The following PHF21B variants were observed in gnomAD, a reference collection of about 807,000 sequenced individuals.
PHF21B encodes PHD finger protein 4.
In PHF21B, 22 loss-of-function variants were observed where a neutral mutation model predicts 62.2. The observed-to-expected ratio is 0.35, with a 90% CI of 0.25 to 0.51. The LOEUF is 0.51. Among genes scored for constraint, PHF21B ranks in the 20% least tolerant of loss-of-function variants. PHF21B has a pLI of 0.97. For synonymous variants in PHF21B, 341 were observed against 314.7 expected, an observed-to-expected ratio of 1.08 and a Z score of -0.88; for missense variants, 701 against 707.9, an observed-to-expected ratio of 0.99 and a Z score of 0.11.
intron 2 of PHF21B, among the ~76,000 whole-genome samples, chr22:44,995,410 TG>T (rs1421172084): frequency 4.6e-5 from 7 of 152,024 alleles, no homozygotes; most frequent in Non-Finnish European, 1.0e-4. Flanking sequence ...CTGGAGTGTG[TG>T]GGGGGCTGGG....
chr22:44,939,089 C>CT (rs1490545079), intron 2 of PHF21B, among the ~76,000 whole-genome samples: 1 of 152,238 alleles, frequency 6.6e-6, no homozygotes, highest in Admixed American at 6.5e-5. Context: ...AGCGCAGGCC[C>CT]TTCCTGCCTT....
In PHF21B at chr22:44,920,433, T is replaced by G. The variant is rs2071514631; in HGVS notation, c.178A>C (p.Arg60=). The stretch of plus-strand genomic sequence containing the variant: ...ACTGCCGCTCCTTGCCCGGCCAACC[T>G]CTGCAAGGAGCTGACCTGAGGACCC... ...VTGPQVSSLQ[R]LAGQGAAVLP... The change falls in exon 3 of 13, where the codon AGG becomes CGG. Residue 60 remains arginine, a synonymous_variant. Coordinates refer to ENST00000313237, the MANE Select transcript of PHF21B (RefSeq NM_138415.5). The G allele has an allele frequency of 1.9e-6, 3 of 1,612,642 alleles. No homozygotes were observed. In the East Asian group the frequency reaches 6.7e-5, roughly 36 times the overall value.
At chr22:44,997,940 C>T (rs2073149897) in intron 2 of PHF21B, among the ~76,000 whole-genome samples, 1 of 151,824 alleles carries the variant, frequency 6.6e-6, no homozygotes, top group Non-Finnish European at 1.5e-5. Flanking sequence ...TGGGGAATGA[C>T]TCTTCCGTAA....
At chr22:45,008,276 C>A (rs1371936848) in intron 2 of PHF21B, 1 of 324,118 alleles carries the variant, frequency 3.1e-6, no homozygotes, top group Non-Finnish European at 5.6e-6. Context: ...AACATGTCCA[C>A]CACCTCAAAA....
rs532359434 is a variant in PHF21B, at chr22:44,993,864, T to C, written c.120+14681A>G. ...GGTTTTCAAAACTACACACACAACC[T>C]AATATCAAACCTTCTGCCTGTGAAG... is the stretch of plus-strand genomic sequence containing the variant. On this transcript the variant is annotated intron_variant, in intron 2 of 12. Coordinates refer to ENST00000313237, the MANE Select transcript of PHF21B (RefSeq NM_138415.5). 6.2e-4 allele frequency among the ~76,000 whole-genome samples: 94 copies of C among 152,298 alleles called. 1 individual carries two copies. Among genetic ancestry groups the C allele is most frequent in the African/African-American group, 2.3e-3 (94 of 41,560 alleles).
intron 2 of PHF21B, among the ~76,000 whole-genome samples, chr22:44,967,572 C>T (rs1265641534): frequency 1.3e-5 from 2 of 152,104 alleles, no homozygotes; most frequent in Non-Finnish European, 1.5e-5. Flanking sequence ...TTTTTGATTA[C>T]GGAAAAGTTA....
At chr22:44,968,680 A>G (rs1265059957) in intron 2 of PHF21B, among the ~76,000 whole-genome samples, 1 of 150,276 alleles carries the variant, frequency 6.7e-6, no homozygotes, top group Non-Finnish European at 1.5e-5. Context: ...GGGACCATAC[A>G]TGTTTTGGAA....
At chr22:44,947,919 C>T (rs550485693) in intron 2 of PHF21B, among the ~76,000 whole-genome samples, 41 of 152,284 alleles carry the variant, frequency 2.7e-4, no homozygotes, top group Non-Finnish European at 5.9e-4. Flanking sequence ...CTCCTGCATC[C>T]ACACCCAGAC....
intron 2 of PHF21B, among the ~76,000 whole-genome samples, chr22:44,957,855 T>TTAGAA (rs1478868162): frequency 1.3e-5 from 2 of 152,006 alleles, no homozygotes; most frequent in African/African-American, 4.8e-5. Flanking sequence ...CGTTCAGGCC[T>TTAGAA]TGTGTGTCTA....
chr22:44,984,268 AC>A (rs1421682386), intron 2 of PHF21B, among the ~76,000 whole-genome samples: 3 of 148,742 alleles, frequency 2.0e-5, no homozygotes, highest in Admixed American at 6.7e-5. Flanking sequence ...CATCACCATC[AC>A]CACCACCACC....
chr22:44,908,744 C>T (rs564653338), intron 5 of PHF21B, among the ~76,000 whole-genome samples: 1 of 152,366 alleles, frequency 6.6e-6, no homozygotes, highest in South Asian at 2.1e-4. Context: ...ACTTCACTGA[C>T]AGGTTCAAGG....
chr22:44,951,622 C>A (rs2072195898), intron 2 of PHF21B, among the ~76,000 whole-genome samples: 1 of 152,208 alleles, frequency 6.6e-6, no homozygotes, highest in African/African-American at 2.4e-5. Flanking sequence ...GCCAGATGTC[C>A]TTTTTCATTG....
intron 2 of PHF21B, among the ~76,000 whole-genome samples, chr22:44,930,663 G>C (rs4823263): frequency 0.18 from 27,288 of 152,140 alleles, 2,715 homozygotes; most frequent in African/African-American, 0.25. Context: ...GGAGAGGAGG[G>C]GCCTGCCACC....
At chr22:44,986,251 TCAC>T (rs879738568) in intron 2 of PHF21B, among the ~76,000 whole-genome samples, 117 of 143,534 alleles carry the variant, frequency 8.2e-4, no homozygotes, top group Non-Finnish European at 1.2e-3. Context: ...ACAACCATCA[TCAC>T]CACCATCACC....
At chr22:44,983,233 C>CAA (rs59497234) in intron 2 of PHF21B, among the ~76,000 whole-genome samples, 48 of 149,312 alleles carry the variant, frequency 3.2e-4, no homozygotes, top group South Asian at 2.6e-3. Flanking sequence ...GACTCTGTCT[C>CAA]AAAAAAAAAA....
chr22:44,927,266 C>A (rs956142133), intron 2 of PHF21B, among the ~76,000 whole-genome samples: 4 of 151,874 alleles, frequency 2.6e-5, no homozygotes, highest in African/African-American at 9.7e-5. Context: ...ACAAACAGTG[C>A]CTGGCCATGC....
At chr22:44,927,613 C>T (rs2071657733) in intron 2 of PHF21B, among the ~76,000 whole-genome samples, 1 of 152,168 alleles carries the variant, frequency 6.6e-6, no homozygotes, top group African/African-American at 2.4e-5. Flanking sequence ...TCCGCCAATG[C>T]TAAGCTAGCT....
chr22:44,914,783 G>T (rs1022508172), intron 4 of PHF21B, among the ~76,000 whole-genome samples: 2 of 152,238 alleles, frequency 1.3e-5, no homozygotes, highest in East Asian at 1.9e-4. Flanking sequence ...GGCTCAGGGG[G>T]TGATCTGGTT....
intron 2 of PHF21B, among the ~76,000 whole-genome samples, chr22:44,940,002 C>T (rs1357562826): frequency 6.6e-6 from 1 of 152,092 alleles, no homozygotes; most frequent in East Asian, 1.9e-4. Flanking sequence ...ACAATAAAGT[C>T]CCCATCCTCA....
Sources: allele counts gnomAD v4.1 joint callset (sites outside exome capture counted in the v4.1 genomes callset), GRCh38; gene constraint gnomAD v4.1.1; transcripts MANE v1.5; gene names NCBI Gene and HGNC (gene_info 2026-07-23, HGNC 2026-07-21).